ATRNL1: variants seen among roughly 807,000 people sequenced by gnomAD.
ATRNL1 encodes attractin like 1.
A neutral mutation model predicts 182.7 loss-of-function variants in ATRNL1; 95 were observed. That is an observed-to-expected ratio of 0.52 (90% CI 0.44 to 0.62). The LOEUF (loss-of-function observed/expected upper bound fraction) is 0.62, where lower values mean the gene tolerates loss of function less well. Ranked by LOEUF, ATRNL1 falls within the 20% of genes least tolerant of loss-of-function variation. The pLI, the probability that ATRNL1 is intolerant of heterozygous loss-of-function variation, is 0.00. For missense variants in ATRNL1, 1,471 were observed against 1,679.5 expected (o/e 0.88, Z 2.17); for synonymous variants, 576 against 568.3 (o/e 1.01, Z -0.19).
At chr10:115,341,997 T>TA (rs2134096875) in intron 19 of ATRNL1, among the ~76,000 whole-genome samples, 1 of 152,238 alleles carries the variant, frequency 6.6e-6, no homozygotes, top group South Asian at 2.1e-4. Context: ...GAGTTTAGTC[T>TA]ATTTACGTTG....
At chr10:115,852,232 C>A (rs1951073721) in intron 28 of ATRNL1, among the ~76,000 whole-genome samples, 1 of 152,130 alleles carries the variant, frequency 6.6e-6, no homozygotes, top group South Asian at 2.1e-4. Flanking sequence ...TTGACTATAC[C>A]ATTACCAAAA....
intron 21 of ATRNL1, among the ~76,000 whole-genome samples, chr10:115,452,242 C>A (rs1345336025): frequency 6.6e-6 from 1 of 152,000 alleles, no homozygotes; most frequent in East Asian, 1.9e-4. Flanking sequence ...TACTTCTGAA[C>A]CTAAAATTAA....
At chr10:115,561,696 T>TGGGG (rs1853742205) in intron 26 of ATRNL1, among the ~76,000 whole-genome samples, 1 of 101,892 alleles carries the variant, frequency 9.8e-6, no homozygotes, top group South Asian at 4.3e-4. Context: ...TGTGGGTGTG[T>TGGGG]GTGTGTGGGT....
intron 24 of ATRNL1, among the ~76,000 whole-genome samples, chr10:115,500,142 G>T (rs956600220): frequency 3.3e-5 from 5 of 152,156 alleles, no homozygotes; most frequent in Non-Finnish European, 7.3e-5. Context: ...GTACTTTGAA[G>T]TCCATCCATC....
rs621291 is a variant in ATRNL1 at position 115,420,627 on chromosome 10, C to A, written c.3270-5623C>A. Among the ~76,000 whole-genome samples the A allele has an allele frequency of 8.1e-3, 1,235 of 151,820 alleles. 19 individuals carry two copies. The highest frequency in any genetic ancestry group is 0.029 in the African/African-American group (1,187 of 41,366). On this transcript the variant is annotated intron_variant, in intron 20 of 28. Transcript: ENST00000355044. ...AAGTAGAAATATCTCAAATAAACAG[C>A]CTAATGTTGTACCTCAAAGACCTAG...
At chr10:115,246,351 G>A (rs773382897) in intron 10 of ATRNL1, among the ~76,000 whole-genome samples, 7 of 151,996 alleles carry the variant, frequency 4.6e-5, no homozygotes, top group Non-Finnish European at 1.0e-4. Flanking sequence ...GGAAAAAAAA[G>A]GAATTTTAGT....
intron 27 of ATRNL1, among the ~76,000 whole-genome samples, chr10:115,805,306 A>G (rs1430572725): frequency 6.6e-6 from 1 of 152,180 alleles, no homozygotes; most frequent in Non-Finnish European, 1.5e-5. Flanking sequence ...GTTGGCTTCA[A>G]GATGCTGCAT....
chr10:115,755,621 T>G (rs1433072364), intron 27 of ATRNL1, among the ~76,000 whole-genome samples: 1 of 152,198 alleles, frequency 6.6e-6, no homozygotes, highest in African/African-American at 2.4e-5. Context: ...GATATTGGCC[T>G]GAAATTTTCT....
chr10:115,448,727 TAAAC>T (rs782217734), intron 21 of ATRNL1, among the ~76,000 whole-genome samples: 1 of 152,000 alleles, frequency 6.6e-6, no homozygotes, highest in Non-Finnish European at 1.5e-5. Context: ...ATTTAAAAGA[TAAAC>T]AAATCTAGGA....
At chr10:115,869,045 T>G (rs959169431) in intron 28 of ATRNL1, among the ~76,000 whole-genome samples, 5 of 151,850 alleles carry the variant, frequency 3.3e-5, no homozygotes, top group South Asian at 2.1e-4. Flanking sequence ...TGGCCAGGAT[T>G]GTCTTGATCT....
chr10:115,399,797 G>A (rs1472640312), intron 20 of ATRNL1, among the ~76,000 whole-genome samples: 2 of 151,984 alleles, frequency 1.3e-5, no homozygotes, highest in Non-Finnish European at 2.9e-5. Context: ...ACTTTTTGAT[G>A]TGGACATTTA....
chr10:115,886,269 C>T (rs1318111054), intron 28 of ATRNL1, among the ~76,000 whole-genome samples: 2 of 152,182 alleles, frequency 1.3e-5, no homozygotes, highest in South Asian at 4.1e-4. Context: ...ATACCATATT[C>T]ACAGCAGACA....
At chr10:115,760,651 A>C (rs1203739444) in intron 27 of ATRNL1, among the ~76,000 whole-genome samples, 1 of 152,196 alleles carries the variant, frequency 6.6e-6, no homozygotes, top group Admixed American at 6.5e-5. Context: ...TATATAAAAA[A>C]CAATATTATT....
At chr10:115,273,108 T>A (rs1218523948) in intron 13 of ATRNL1, among the ~76,000 whole-genome samples, 2 of 152,132 alleles carry the variant, frequency 1.3e-5, no homozygotes, top group Non-Finnish European at 2.9e-5. Flanking sequence ...TATCAGGAGC[T>A]CAGTGTTGGT....
chr10:115,710,733 A>G (rs1947038619), intron 26 of ATRNL1, among the ~76,000 whole-genome samples: 1 of 152,142 alleles, frequency 6.6e-6, no homozygotes, highest in Admixed American at 6.6e-5. Flanking sequence ...GGTTTTGGCA[A>G]AATGTATTCC....
At chr10:115,546,566 CA>C (rs111888938) in intron 25 of ATRNL1, among the ~76,000 whole-genome samples, 17,678 of 126,022 alleles carry the variant, frequency 0.14, 3,332 homozygotes, top group African/African-American at 0.44. Flanking sequence ...GACTCTGTCT[CA>C]AAAAAAAAAA....
At chr10:115,498,721 G>A (rs1475174775) in intron 24 of ATRNL1, among the ~76,000 whole-genome samples, 52 of 151,512 alleles carry the variant, frequency 3.4e-4, no homozygotes, top group South Asian at 2.1e-4. Flanking sequence ...AATTTTAGTC[G>A]TTTTGTTTCC....
At chr10:115,921,367 A>G (rs561759813) in intron 28 of ATRNL1, among the ~76,000 whole-genome samples, 2 of 152,178 alleles carry the variant, frequency 1.3e-5, no homozygotes, top group Non-Finnish European at 2.9e-5. Context: ...ACTAAAATGT[A>G]TTAAAGGATA....
chr10:115,124,982 A>G (rs782483689), intron 3 of ATRNL1, among the ~76,000 whole-genome samples: 2 of 152,170 alleles, frequency 1.3e-5, no homozygotes, highest in Non-Finnish European at 2.9e-5. Context: ...GTTGACTTTC[A>G]TCGTGAGTAA....
Sources: gnomAD v4.1 joint callset for allele counts (sites outside exome capture counted in the v4.1 genomes callset) on GRCh38, gnomAD v4.1.1 for gene constraint, MANE v1.5 for transcripts, NCBI Gene and HGNC (gene_info 2026-07-23, HGNC 2026-07-21) for gene names.